The following BCAS1 variants were observed in gnomAD, a reference collection of about 807,000 sequenced individuals.
BCAS1 encodes breast carcinoma-amplified sequence 1.
BCAS1 carries 46 observed loss-of-function variants against 65.4 expected under a neutral mutation model. That is an observed-to-expected ratio of 0.70 (90% confidence interval 0.55 to 0.90). The LOEUF (loss-of-function observed/expected upper bound fraction) is 0.90. Among genes scored for constraint, BCAS1 ranks in the 40% least tolerant of loss-of-function variants. The pLI, the probability that BCAS1 is intolerant of heterozygous loss-of-function variation, is 0.00. For missense variants in BCAS1, 793 were observed against 771.2 expected, an observed-to-expected ratio of 1.03 and a Z score of -0.33; for synonymous variants, 298 against 293.5, an observed-to-expected ratio of 1.02 and a Z score of -0.16.
intron 1 of BCAS1, among the ~76,000 whole-genome samples, chr20:54,059,867 T>C (rs1031415189): frequency 1.3e-5 from 2 of 152,244 alleles, no homozygotes; most frequent in Non-Finnish European, 2.9e-5. Flanking sequence ...TGGTCCATCA[T>C]TGACTAAGGT....
At chr20:53,996,679 T>G (rs1361171948) in intron 4 of BCAS1, among the ~76,000 whole-genome samples, 1 of 152,038 alleles carries the variant, frequency 6.6e-6, no homozygotes, top group Non-Finnish European at 1.5e-5. Context: ...CTACTGCCTC[T>G]CCACCTTCTG....
intron 1 of BCAS1, among the ~76,000 whole-genome samples, chr20:54,062,587 C>T (rs2092389121): frequency 6.6e-6 from 1 of 152,186 alleles, no homozygotes; most frequent in African/African-American, 2.4e-5. Context: ...AATGTAAATT[C>T]AATCCTAACA....
intron 1 of BCAS1, among the ~76,000 whole-genome samples, chr20:54,062,458 A>G (rs552441096): frequency 9.2e-5 from 14 of 152,376 alleles, no homozygotes; most frequent in African/African-American, 3.1e-4. Context: ...ATACGTTCAT[A>G]TATACACATG....
intron 12 of BCAS1, among the ~76,000 whole-genome samples, chr20:53,951,947 A>T (rs2089540618): frequency 1.3e-5 from 2 of 152,342 alleles, no homozygotes; most frequent in South Asian, 4.1e-4. Flanking sequence ...ATGCTTAATA[A>T]ATATTTTTGG....
intron 9 of BCAS1, 103 bp from the exon 10 acceptor site, chr20:53,967,176 C>T (rs1280191883): frequency 8.2e-7 from 1 of 1,214,576 alleles, no homozygotes. Context: ...CACATAGTAG[C>T]TACAGTTTTG....
chr20:54,027,412 T>C (rs1167314120), intron 4 of BCAS1, among the ~76,000 whole-genome samples: 4 of 152,220 alleles, frequency 2.6e-5, no homozygotes, highest in Non-Finnish European at 5.9e-5. Flanking sequence ...ACATTTTCAA[T>C]AAATGACAGC....
In BCAS1 at chr20:53,944,927, T is replaced by C. The variant is rs1237754558; in HGVS notation, c.1885A>G (p.Lys629Glu). 3.1e-6 allele frequency: 5 copies of C among 1,614,054 alleles called. No homozygotes were observed. The East Asian group carries it at 1.1e-4, about 36-fold the overall frequency. ...TGGGAACCGTGCTGATTTGTTTACT[T>C]GGATTTGCCAACTGGTCCGATGGAT... The part of the protein sequence containing the change: ...PVSIGPVGKS[K>E] The change falls in exon 13 of 13, where the codon AAG (lysine) becomes GAG (glutamate). Residue 629 changes from lysine to glutamate, a missense_variant. Coordinates refer to ENST00000688948, the MANE Select transcript of BCAS1 (RefSeq NM_001366298.2).
intron 3 of BCAS1, among the ~76,000 whole-genome samples, chr20:54,044,019 G>A (rs898063878): frequency 6.6e-6 from 1 of 152,024 alleles, no homozygotes; most frequent in Non-Finnish European, 1.5e-5. Flanking sequence ...CTTTGATCTC[G>A]CTGATTATTT....
At chr20:53,997,069 C>T (rs192292326) in intron 4 of BCAS1, among the ~76,000 whole-genome samples, 2 of 152,344 alleles carry the variant, frequency 1.3e-5, no homozygotes, top group Non-Finnish European at 2.9e-5. Flanking sequence ...TGTCCCTAAA[C>T]ATTCATCTAA....
At chr20:53,996,138 C>T in intron 4 of BCAS1, 88 bp from the exon 5 acceptor site, 2 of 1,371,066 alleles carry the variant, frequency 1.5e-6, no homozygotes, top group South Asian at 3.1e-5. Context: ...TTCTCTCTTA[C>T]CCCCTAATTC....
intron 4 of BCAS1, among the ~76,000 whole-genome samples, chr20:54,006,022 G>A (rs6127056): frequency 2.6e-5 from 4 of 152,170 alleles, no homozygotes; most frequent in Non-Finnish European, 4.4e-5. Flanking sequence ...TGCCATGGAA[G>A]GTGTTTGGGC....
At chr20:54,038,723 A>G (rs181516110) in intron 3 of BCAS1, among the ~76,000 whole-genome samples, 1 of 151,634 alleles carries the variant, frequency 6.6e-6, no homozygotes, top group African/African-American at 2.4e-5. Flanking sequence ...ATGTATGAAC[A>G]TTATTCACCG....
chr20:54,010,413 T>G (rs2091294512), intron 4 of BCAS1, among the ~76,000 whole-genome samples: 1 of 152,114 alleles, frequency 6.6e-6, no homozygotes, highest in African/African-American at 2.4e-5. Context: ...GAATACAAGA[T>G]AAACATGTAA....
intron 4 of BCAS1, among the ~76,000 whole-genome samples, chr20:53,999,535 C>A (rs2091004743): frequency 6.6e-6 from 1 of 152,130 alleles, no homozygotes. Flanking sequence ...CTCTTCCATT[C>A]CATTCTCATT....
rs147540820 is a variant in BCAS1 at position 54,042,430 on chromosome 20, T to C, written c.143-13458A>G. 1.4e-3 allele frequency among the ~76,000 whole-genome samples: 219 copies of C among 152,286 alleles called. 1 individual carries two copies. Among genetic ancestry groups the C allele is most frequent in the African/African-American group, 5.1e-3 (210 of 41,554 alleles). On this transcript the variant is annotated intron_variant, in intron 3 of 12. Coordinates refer to ENST00000688948, the MANE Select transcript of BCAS1 (RefSeq NM_001366298.2). ...AATAAATAATCATATGTCCCTACAATGAAATATTCCACAGGCATTAAAATT... is the reference window on the plus strand; with the variant it reads ...AATAAATAATCATATGTCCCTACAACGAAATATTCCACAGGCATTAAAATT...
intron 1 of BCAS1, among the ~76,000 whole-genome samples, chr20:54,070,037 G>A (rs1390267995): frequency 1.3e-5 from 2 of 152,172 alleles, no homozygotes; most frequent in African/African-American, 4.8e-5. Flanking sequence ...CTGAGGTGAA[G>A]GCTCAGATTC....
chr20:53,991,071 C>A (rs2090746705), intron 7 of BCAS1, among the ~76,000 whole-genome samples: 1 of 152,182 alleles, frequency 6.6e-6, no homozygotes, highest in African/African-American at 2.4e-5. Flanking sequence ...TTTTGTAGTG[C>A]ATGAAGTGAA....
intron 8 of BCAS1, among the ~76,000 whole-genome samples, chr20:53,979,461 C>T (rs1009177351): frequency 2.0e-5 from 3 of 152,154 alleles, no homozygotes; most frequent in Admixed American, 6.5e-5. Flanking sequence ...CTCTGGGGTC[C>T]AAGCAGCTGC....
chr20:54,010,028 T>C (rs972738101), intron 4 of BCAS1, among the ~76,000 whole-genome samples: 2 of 152,136 alleles, frequency 1.3e-5, no homozygotes, highest in African/African-American at 4.8e-5. Context: ...AATTCAATCC[T>C]CCATTCATGA....
Sources: gnomAD v4.1 joint callset for allele counts (sites outside exome capture counted in the v4.1 genomes callset) on GRCh38, gnomAD v4.1.1 for gene constraint, MANE v1.5 for transcripts, NCBI Gene and HGNC (gene_info 2026-07-23, HGNC 2026-07-21) for gene names.